Variants in RXFP3 observed in about 807,000 individuals in gnomAD.
The protein encoded by RXFP3 is relaxin family peptide receptor 3, also known as relaxin-3 receptor 1.
A neutral mutation model predicts 27.3 loss-of-function variants in RXFP3; 31 were observed. The observed-to-expected ratio is 1.13, with a 90% CI of 0.85 to 1.53. The LOEUF is 1.53. RXFP3 is among the 40% of genes most tolerant of loss of function. RXFP3 has a pLI of 0.00. For synonymous variants in RXFP3, 351 were observed against 293.6 expected (o/e 1.20, Z -2.00); for missense variants, 684 against 642.1 (o/e 1.07, Z -0.70).
Position 33,937,334 on chromosome 5 carries a change from G to A in RXFP3, c.594G>A (p.Arg198=), listed in dbSNP as rs1751688569. The A allele has an allele frequency of 1.9e-6, 3 of 1,612,564 alleles. No homozygotes were observed. Among genetic ancestry groups the A allele is most frequent in the Non-Finnish European group, 2.5e-6 (3 of 1,179,874 alleles). ...LKSHRTRGHG[R]GDCCGRSLGD... is the part of the protein sequence containing the mutation. ...GCCACCGGACCCGAGGACACGGCCG[G>A]GGCGACTGCTGCGGCCGGAGCCTGG... is the stretch of plus-strand genomic sequence containing the variant. The change falls in exon 1 of 1, where the codon CGG becomes CGA. Residue 198 remains arginine, a synonymous_variant. Coordinates refer to ENST00000330120, the MANE Select transcript of RXFP3 (RefSeq NM_016568.3).
Position 33,936,682 on chromosome 5 carries a change from G to A in RXFP3, c.-59G>A. 6.9e-7 allele frequency: 1 copy of A among 1,456,288 alleles called. No homozygotes were observed. The highest frequency in any genetic ancestry group is 1.6e-5 in the South Asian group (1 of 64,232). The allele number at this position is 1,456,288 out of a possible 1,614,324, so 90.2% of individuals were successfully genotyped here. On this transcript the variant is annotated 5_prime_UTR_variant, in exon 1 of 1. Transcript: ENST00000330120. ...GCAGGCTAGCCTGGCAACAAAACTG[G>A]GGTAAACCGTGTTATCTTAGGTCTT... is the stretch of plus-strand genomic sequence containing the variant.
Position 33,938,041 on chromosome 5 carries a change from C to T in RXFP3, c.1301C>T (p.Pro434Leu), listed in dbSNP as rs752946752. 13 of 1,611,766 alleles carry T rather than the reference C, an allele frequency of 8.1e-6. No individual in the cohort carries two copies. The Admixed American group carries it at 2.0e-4, about 25-fold the overall frequency. Residue 434 changes from proline (P) to leucine (L), a missense_variant, in exon 1 of 1, where the codon CCG becomes CTG. Pro to Leu is a moderately conservative substitution (Grantham distance 98). Coordinates refer to ENST00000330120, the MANE Select transcript of RXFP3 (RefSeq NM_016568.3). ...CACGAGGATCAGGGGCTGCAGGCCC[C>T]GGCGCCGCCCCACGCGGCCGCGGAG... Reference protein sequence around the residue: ...PEHEDQGLQAPAPPHAAAEPD... With the variant: ...PEHEDQGLQALAPPHAAAEPD...
At position 33,936,807 on chromosome 5, in the gene RXFP3, G is replaced by A; in HGVS notation, c.67G>A (p.Glu23Lys). ...GGCAGCAGGCGGGGACAAGCTAGCA[G>A]AACTCTTCAGTCTGGTCCCGGACCT... ...NKAAGGDKLA[E>K]LFSLVPDLLE... is the part of the protein sequence containing the mutation. Residue 23 changes from glutamate (E) to lysine (K), a missense_variant, in exon 1 of 1, where the codon GAA becomes AAA. By Grantham distance (56) the Glu-to-Lys change is moderately conservative. Coordinates refer to ENST00000330120, the MANE Select transcript of RXFP3 (RefSeq NM_016568.3). The A allele has an allele frequency of 2.6e-6, 4 of 1,555,964 alleles. No individual in the cohort carries two copies. In the South Asian group the frequency reaches 3.6e-5, roughly 14 times the overall value.
rs139010204 is a variant in RXFP3 at position 33,937,041 on chromosome 5, C to G, written c.301C>G (p.Leu101Val). ...CGCCCTGGGGTTGGCGGGCAACCTG[C>G]TGGTTCTCTACCTGATGAAGAGCAT... ...VCALGLAGNL[L>V]VLYLMKSMQG... The change falls in exon 1 of 1, where the codon CTG (leucine) becomes GTG (valine). Residue 101 changes from leucine to valine, a missense_variant. Coordinates refer to ENST00000330120, the MANE Select transcript of RXFP3 (RefSeq NM_016568.3). 5 of 1,614,112 alleles carry G rather than the reference C, an allele frequency of 3.1e-6. No homozygotes were observed. Among genetic ancestry groups the G allele is most frequent in the Non-Finnish European group, 4.2e-6 (5 of 1,180,062 alleles).
rs1234323712 is a variant in RXFP3, at chr5:33,937,724, G to A, written c.984G>A (p.Val328=). Residue 328 remains valine (V), a synonymous_variant, in exon 1 of 1, where the codon GTG becomes GTA. Coordinates refer to ENST00000330120, the MANE Select transcript of RXFP3 (RefSeq NM_016568.3). The part of the protein sequence containing the change: ...ARRLSKVTKS[V]TIVVLSFFLC... ...GACTGTCGAAGGTCACCAAATCAGTGACCATCGTTGTCCTGTCCTTCTTCC... is the reference window on the plus strand; with the variant it reads ...GACTGTCGAAGGTCACCAAATCAGTAACCATCGTTGTCCTGTCCTTCTTCC... 5 of 1,613,732 alleles carry A rather than the reference G, an allele frequency of 3.1e-6. No individual in the cohort carries two copies. The highest frequency in any genetic ancestry group is 2.2e-5 in the East Asian group (1 of 44,872).
Position 33,937,500 on chromosome 5 carries a change from A to G in RXFP3, c.760A>G (p.Lys254Glu). ...GCTGTGCCTGGTGCGTTTCCCGGAC[A>G]AGTTGCTGGGCCGCGACAGGCAGTT... is the stretch of plus-strand genomic sequence containing the variant. Reference protein sequence around the residue: ...EELCLVRFPDKLLGRDRQFWL... With the variant: ...EELCLVRFPDELLGRDRQFWL... Residue 254 changes from lysine (K) to glutamate (E), a missense_variant, in exon 1 of 1, where the codon AAG (lysine) becomes GAG (glutamate). Physicochemically the swap from Lys to Glu is moderately conservative, Grantham distance 56. Transcript: ENST00000330120. 6.3e-7 allele frequency: 1 copy of G among 1,596,550 alleles called. No individual in the cohort carries two copies. Among genetic ancestry groups the G allele is most frequent in the Non-Finnish European group, 8.5e-7 (1 of 1,171,794 alleles).
chr5:33,937,226 G>T lies in RXFP3; in HGVS notation c.486G>T (p.Thr162=), dbSNP rs139565242. 193 of 1,613,992 alleles carry T rather than the reference G, an allele frequency of 1.2e-4. No individual in the cohort carries two copies. The highest frequency in any genetic ancestry group is 1.5e-4 in the Non-Finnish European group (181 of 1,180,026). The stretch of plus-strand genomic sequence containing the variant: ...TGTGTAAGATCGTGTCCATGGTGAC[G>T]TCCATGAACATGTACGCCAGCGTGT... ...KAMCKIVSMV[T]SMNMYASVFF... is the part of the protein sequence containing the mutation. The change falls in exon 1 of 1, where the codon ACG becomes ACT. Residue 162 remains threonine (T), a synonymous_variant. Coordinates refer to ENST00000330120, the MANE Select transcript of RXFP3 (RefSeq NM_016568.3).
rs766911044 is a variant in RXFP3 at position 33,937,122 on chromosome 5, G to T, written c.382G>T (p.Asp128Tyr). The stretch of plus-strand genomic sequence containing the variant: ...CTTCGTCACCAACCTGGCGCTGACG[G>T]ACTTTCAGTTTGTGCTCACCCTGCC... ...NLFVTNLALT[D>Y]FQFVLTLPFW... is the part of the protein sequence containing the mutation. The change falls in exon 1 of 1, where the codon GAC becomes TAC. Residue 128 changes from aspartate (D) to tyrosine (Y), a missense_variant. Asp to Tyr is a radical substitution (Grantham distance 160). Coordinates refer to ENST00000330120, the MANE Select transcript of RXFP3 (RefSeq NM_016568.3). 1 of 1,612,992 alleles carries T rather than the reference G, an allele frequency of 6.2e-7. No individual in the cohort carries two copies.
chr5:33,938,222 T>C lies in RXFP3; in HGVS notation c.*72T>C. 7.2e-7 allele frequency: 1 copy of C among 1,388,818 alleles called. No individual in the cohort carries two copies. The highest frequency in any genetic ancestry group is 9.7e-7 in the Non-Finnish European group (1 of 1,031,016). 86.0% of individuals were successfully genotyped at this position (1,388,818 alleles called of 1,614,324 possible). A position where few individuals can be genotyped will look rare whatever the true frequency, so the allele number is the denominator to read the frequency against. On this transcript the variant is annotated 3_prime_UTR_variant, in exon 1 of 1. Transcript: ENST00000330120. ...CCCGGGCGGTAAAGAGGTGAAAGGA[T>C]GAAGGAGGGCTGGGGGGGGCCCCAT...
rs759713382 is a variant in RXFP3, at chr5:33,936,749, G to C, written c.9G>C (p.Met3Ile). 2.4e-5 allele frequency: 36 copies of C among 1,519,396 alleles called. No homozygotes were observed. Among genetic ancestry groups the C allele is most frequent in the Non-Finnish European group, 3.2e-5 (36 of 1,131,900 alleles). The allele number at this position is 1,519,396 out of a possible 1,614,324, so 94.1% of individuals were successfully genotyped here. Residue 3 changes from methionine to isoleucine, a missense_variant, in exon 1 of 1, where the codon ATG becomes ATC. Met to Ile is a conservative substitution (Grantham distance 10). Transcript: ENST00000330120. ...CCTAGAGGTACCTGCGCATGCAGATGGCCGATGCAGCCACGATAGCCACCA... is the reference window on the plus strand; with the variant it reads ...CCTAGAGGTACCTGCGCATGCAGATCGCCGATGCAGCCACGATAGCCACCA... MQ[M>I]ADAATIATMN...
At position 33,937,124 on chromosome 5, in the gene RXFP3, C is replaced by A. The variant is rs1335111124; in HGVS notation, c.384C>A (p.Asp128Glu). The change falls in exon 1 of 1, where the codon GAC becomes GAA. Residue 128 changes from aspartate (D) to glutamate (E), a missense_variant. Asp to Glu is a conservative substitution (Grantham distance 45, BLOSUM62 2). Coordinates refer to ENST00000330120, the MANE Select transcript of RXFP3 (RefSeq NM_016568.3). ...TCGTCACCAACCTGGCGCTGACGGA[C>A]TTTCAGTTTGTGCTCACCCTGCCCT... is the stretch of plus-strand genomic sequence containing the variant. Reference protein sequence around the residue: ...NLFVTNLALTDFQFVLTLPFW... With the variant: ...NLFVTNLALTEFQFVLTLPFW... 40 of 1,612,942 alleles carry A rather than the reference C, an allele frequency of 2.5e-5. No individual in the cohort carries two copies. Among genetic ancestry groups the A allele is most frequent in the Non-Finnish European group, 3.2e-5 (38 of 1,179,094 alleles).
Position 33,937,110 on chromosome 5 carries a change from C to G in RXFP3, c.370C>G (p.Leu124Val). The G allele has an allele frequency of 6.2e-7, 1 of 1,613,240 alleles. No individual in the cohort carries two copies. Among genetic ancestry groups the G allele is most frequent in the South Asian group, 1.1e-5 (1 of 91,056 alleles). Residue 124 changes from leucine (L) to valine (V), a missense_variant, in exon 1 of 1, where the codon CTG (leucine) becomes GTG (valine). Physicochemically the swap from Leu to Val is conservative, Grantham distance 32. Coordinates refer to ENST00000330120, the MANE Select transcript of RXFP3 (RefSeq NM_016568.3). Reference protein sequence around the residue: ...KSSINLFVTNLALTDFQFVLT... With the variant: ...KSSINLFVTNVALTDFQFVLT... ...CTCTATCAACCTCTTCGTCACCAAC[C>G]TGGCGCTGACGGACTTTCAGTTTGT...
At position 33,937,687 on chromosome 5, in the gene RXFP3, C is replaced by T. The variant is rs756699202; in HGVS notation, c.947C>T (p.Ala316Val). ...AAVAGGRPTGASARRLSKVTK... is the reference protein window; with the variant it reads ...AAVAGGRPTGVSARRLSKVTK... ...GTAGCCGGAGGACGCCCGACCGGAGCCAGCGCCCGGAGACTGTCGAAGGTC... is the reference window on the plus strand; with the variant it reads ...GTAGCCGGAGGACGCCCGACCGGAGTCAGCGCCCGGAGACTGTCGAAGGTC... The change falls in exon 1 of 1, where the codon GCC (alanine) becomes GTC (valine). Residue 316 changes from alanine (A) to valine (V), a missense_variant. Transcript: ENST00000330120. 7 of 1,612,090 alleles carry T rather than the reference C, an allele frequency of 4.3e-6. No homozygotes were observed. The East Asian group carries it at 1.1e-4, about 26-fold the overall frequency.
chr5:33,938,156 G>A lies in RXFP3; in HGVS notation c.*6G>A. On this transcript the variant is annotated 3_prime_UTR_variant, in exon 1 of 1. Transcript: ENST00000330120. ...CCAGCAGCTCTGCCTACTGACGCAG[G>A]CCTCAGGCCCAGGGCGCGCCGTCGG... The A allele has an allele frequency of 3.2e-6, 5 of 1,581,152 alleles. No homozygotes were observed. Among genetic ancestry groups the A allele is most frequent in the Non-Finnish European group, 4.3e-6 (5 of 1,165,190 alleles).
chr5:33,936,516 G>T lies in RXFP3; in HGVS notation c.-225G>T, dbSNP rs1010987254. ...ACGCCGAGTGCTTGCCTTACGGGCTGCACTCCTCAACTCTGCTCCAAAGCA... is the reference window on the plus strand; with the variant it reads ...ACGCCGAGTGCTTGCCTTACGGGCTTCACTCCTCAACTCTGCTCCAAAGCA... On this transcript the variant is annotated 5_prime_UTR_variant, in exon 1 of 1. Coordinates refer to ENST00000330120, the MANE Select transcript of RXFP3 (RefSeq NM_016568.3). The T allele has an allele frequency of 3.2e-5, 14 of 432,898 alleles. No individual in the cohort carries two copies. The highest frequency in any genetic ancestry group is 2.4e-4 in the African/African-American group (12 of 50,262). The allele number at this position is 432,898 out of a possible 1,614,324, so 26.8% of individuals were successfully genotyped here. A position where few individuals can be genotyped will look rare whatever the true frequency, so the allele number is the denominator to read the frequency against.
rs754146433 is a variant in RXFP3 at position 33,937,315 on chromosome 5, G to A, written c.575G>A (p.Arg192Gln). Residue 192 changes from arginine (R) to glutamine (Q), a missense_variant, in exon 1 of 1, where the codon CGG (arginine) becomes CAG (glutamine). Transcript: ENST00000330120. ...HSVASALKSH[R>Q]TRGHGRGDCC... The stretch of plus-strand genomic sequence containing the variant: ...GTGGCCTCGGCTCTGAAGAGCCACC[G>A]GACCCGAGGACACGGCCGGGGCGAC... 13 of 1,612,864 alleles carry A rather than the reference G, an allele frequency of 8.1e-6. No homozygotes were observed. Among genetic ancestry groups the A allele is most frequent in the Non-Finnish European group, 1.1e-5 (13 of 1,180,000 alleles).
Position 33,936,773 on chromosome 5 carries a change from C to CATGA in RXFP3, c.36_39dup (p.Lys14GlufsTer2), listed in dbSNP as rs769089318. 1 of 1,527,588 alleles carries CATGA rather than the reference C, an allele frequency of 6.5e-7. No individual in the cohort carries two copies. Among genetic ancestry groups the CATGA allele is most frequent in the Admixed American group, 2.1e-5 (1 of 48,042 alleles). 94.6% of individuals were successfully genotyped at this position (1,527,588 alleles called of 1,614,324 possible). A position where few individuals can be genotyped will look rare whatever the true frequency, so the allele number is the denominator to read the frequency against. On this transcript the variant is annotated frameshift_variant, in exon 1 of 1. Transcript: ENST00000330120. LOFTEE classifies it low-confidence loss of function (END_TRUNC). The stretch of plus-strand genomic sequence containing the variant: ...TGGCCGATGCAGCCACGATAGCCAC[C>CATGA]ATGAATAAGGCAGCAGGCGGGGACA...
rs1348968832 is a variant in RXFP3 at position 33,937,636 on chromosome 5, C to G, written c.896C>G (p.Ala299Gly). Reference sequence around the variant, plus strand: ...GTGCGCTTCATCGCCGACCGCCGCGCGGCGGGGACCAAAGGAGGGGCCGCG... The same window carrying G: ...GTGCGCTTCATCGCCGACCGCCGCGGGGCGGGGACCAAAGGAGGGGCCGCG... Reference protein sequence around the residue: ...LLVRFIADRRAAGTKGGAAVA... With the variant: ...LLVRFIADRRGAGTKGGAAVA... The change falls in exon 1 of 1, where the codon GCG becomes GGG. Residue 299 changes from alanine (A) to glycine (G), a missense_variant. By Grantham distance (60) the Ala-to-Gly change is moderately conservative. Transcript: ENST00000330120. 1 of 1,595,466 alleles carries G rather than the reference C, an allele frequency of 6.3e-7. No individual in the cohort carries two copies. Among genetic ancestry groups the G allele is most frequent in the Non-Finnish European group, 8.5e-7 (1 of 1,171,200 alleles).
chr5:33,937,729 T>C lies in RXFP3; in HGVS notation c.989T>C (p.Ile330Thr), dbSNP rs764162634. The C allele has an allele frequency of 1.9e-5, 31 of 1,613,638 alleles. No individual in the cohort carries two copies. Among genetic ancestry groups the C allele is most frequent in the Non-Finnish European group, 2.6e-5 (31 of 1,179,960 alleles). The change falls in exon 1 of 1, where the codon ATC becomes ACC. Residue 330 changes from isoleucine (I) to threonine (T), a missense_variant. Physicochemically the swap from Ile to Thr is moderately conservative, Grantham distance 89 (BLOSUM62 -1). Coordinates refer to ENST00000330120, the MANE Select transcript of RXFP3 (RefSeq NM_016568.3). ...TCGAAGGTCACCAAATCAGTGACCA[T>C]CGTTGTCCTGTCCTTCTTCCTGTGT... The part of the protein sequence containing the change: ...RLSKVTKSVT[I>T]VVLSFFLCWL...
Sources: allele counts gnomAD v4.1 joint callset, GRCh38; gene constraint gnomAD v4.1.1; transcripts MANE v1.5; gene names NCBI Gene and HGNC (gene_info 2026-07-23, HGNC 2026-07-21).